Variants in FHIT observed in about 807,000 individuals in gnomAD.
The protein encoded by FHIT is bis(5'-adenosyl)-triphosphatase.
In FHIT, 19 loss-of-function variants were observed where a neutral mutation model predicts 17.9. That is an observed-to-expected ratio of 1.06 (90% CI 0.74 to 1.56). The LOEUF (loss-of-function observed/expected upper bound fraction) is 1.56, where lower values mean the gene tolerates loss of function less well. Among genes scored for constraint, FHIT ranks in the 40% most tolerant of loss-of-function variants. The probability of loss-of-function intolerance (pLI) is 0.00; values close to 1 mark genes in which losing one functional copy is unlikely to be tolerated. For missense variants in FHIT, 248 were observed against 189.2 expected (o/e 1.31, Z -1.82); for synonymous variants, 81 against 69.7 (o/e 1.16, Z -0.81).
intron 7 of FHIT, among the ~76,000 whole-genome samples, chr3:59,974,364 C>T (rs1214845825): frequency 6.6e-6 from 1 of 152,156 alleles, no homozygotes; most frequent in Non-Finnish European, 1.5e-5. Context: ...TTAAACACTG[C>T]TTCTAAATGT....
At chr3:61,067,041 T>C (rs1194152217) in intron 2 of FHIT, among the ~76,000 whole-genome samples, 1 of 152,190 alleles carries the variant, frequency 6.6e-6, no homozygotes, top group Non-Finnish European at 1.5e-5. Context: ...CTTTTGGTTT[T>C]GAGTAAGGCC....
At chr3:60,544,351 CCTTT>C (rs1553646025) in intron 4 of FHIT, among the ~76,000 whole-genome samples, 16 of 151,656 alleles carry the variant, frequency 1.1e-4, no homozygotes, top group Non-Finnish European at 2.2e-4. Flanking sequence ...AGGGTTGATA[CCTTT>C]TTTTAAAAAA....
At chr3:60,722,466 A>G (rs1173644176) in intron 4 of FHIT, among the ~76,000 whole-genome samples, 1 of 152,178 alleles carries the variant, frequency 6.6e-6, no homozygotes, top group African/African-American at 2.4e-5. Flanking sequence ...AAGCTGCACT[A>G]TAAATATTCT....
chr3:60,462,480 G>A (rs1267596111), intron 5 of FHIT, among the ~76,000 whole-genome samples: 2 of 152,120 alleles, frequency 1.3e-5, no homozygotes, highest in Non-Finnish European at 1.5e-5. Flanking sequence ...AAAGGCATGG[G>A]GTGTGAAAAG....
At chr3:61,097,458 T>A (rs1426754218) in intron 2 of FHIT, among the ~76,000 whole-genome samples, 1 of 152,230 alleles carries the variant, frequency 6.6e-6, no homozygotes, top group Admixed American at 6.5e-5. Flanking sequence ...TTTGGGTATA[T>A]AAATACCCAG....
chr3:60,287,358 G>T (rs937836115), intron 5 of FHIT, among the ~76,000 whole-genome samples: 2 of 151,894 alleles, frequency 1.3e-5, no homozygotes, highest in African/African-American at 4.8e-5. Context: ...TAGTAGAGAC[G>T]GGCTTTCACC....
chr3:60,666,864 C>CTTTTT (rs71092626), intron 4 of FHIT, among the ~76,000 whole-genome samples: 1 of 122,190 alleles, frequency 8.2e-6, no homozygotes, highest in African/African-American at 3.4e-5. Flanking sequence ...CTTTTCTTTT[C>CTTTTT]TTTTTTTTTT....
chr3:60,133,750 T>TA (rs1699695494), intron 5 of FHIT, among the ~76,000 whole-genome samples: 3 of 151,574 alleles, frequency 2.0e-5, no homozygotes, highest in African/African-American at 7.3e-5. Flanking sequence ...TTTTTTTTTT[T>TA]AATCCTAAAA....
intron 2 of FHIT, among the ~76,000 whole-genome samples, chr3:61,173,063 C>G (rs531421382): frequency 6.6e-6 from 1 of 152,106 alleles, no homozygotes; most frequent in Non-Finnish European, 1.5e-5. Flanking sequence ...GCCATGTCTT[C>G]CCAGGGATGT....
intron 5 of FHIT, among the ~76,000 whole-genome samples, chr3:60,411,503 C>A (rs1398757746): frequency 1.3e-5 from 2 of 152,152 alleles, no homozygotes; most frequent in Non-Finnish European, 2.9e-5. Flanking sequence ...AGGGTTCATA[C>A]AGCCACAGCT....
chr3:60,565,663 T>A (rs1365907727), intron 4 of FHIT, among the ~76,000 whole-genome samples: 3 of 152,210 alleles, frequency 2.0e-5, no homozygotes, highest in African/African-American at 7.2e-5. Flanking sequence ...AAGTTTGTGA[T>A]TGGCAATAAG....
At position 61,154,098 on chromosome 3, in the gene FHIT, G is replaced by A. The variant is rs575324869; in HGVS notation, c.-164+46519C>T. On this transcript the variant is annotated intron_variant, in intron 2 of 9. Transcript: ENST00000492590. ...CCATTGTCTTAAAAAACCCCAAATC[G>A]CTGGCATTTTAAAAATTAAATACAG... Among the ~76,000 whole-genome samples, 12 of 152,072 alleles carry A rather than the reference G, an allele frequency of 7.9e-5. No individual in the cohort carries two copies. In the South Asian group the frequency reaches 1.7e-3, roughly 21 times the overall value.
intron 8 of FHIT, among the ~76,000 whole-genome samples, chr3:59,860,358 T>C (rs113053716): frequency 2.0e-5 from 3 of 152,256 alleles, no homozygotes; most frequent in African/African-American, 7.2e-5. Context: ...TGACCAGGTA[T>C]GCAAGGAGAA....
intron 8 of FHIT, among the ~76,000 whole-genome samples, chr3:59,815,685 A>G (rs1260677991): frequency 6.6e-6 from 1 of 152,172 alleles, no homozygotes; most frequent in African/African-American, 2.4e-5. Context: ...GAGCTAAGCT[A>G]TGAAGACACA....
intron 7 of FHIT, among the ~76,000 whole-genome samples, chr3:59,944,454 C>T (rs955914536): frequency 3.3e-5 from 5 of 152,276 alleles, no homozygotes; most frequent in African/African-American, 1.2e-4. Context: ...CACCTCCACA[C>T]TTTCGTTTAT....
At chr3:60,514,965 A>C (rs1240134041) in intron 5 of FHIT, among the ~76,000 whole-genome samples, 1 of 151,752 alleles carries the variant, frequency 6.6e-6, no homozygotes, top group Non-Finnish European at 1.5e-5. Flanking sequence ...TCACAAGAGC[A>C]TGTGAGCAGA....
At chr3:59,843,500 G>A (rs193253906) in intron 8 of FHIT, among the ~76,000 whole-genome samples, 212 of 152,184 alleles carry the variant, frequency 1.4e-3, no homozygotes, top group Middle Eastern at 0.01. Context: ...TCTATAGATC[G>A]CTTTGTATAG....
chr3:60,737,523 A>C (rs767408309), intron 4 of FHIT, among the ~76,000 whole-genome samples: 5 of 152,270 alleles, frequency 3.3e-5, no homozygotes, highest in Non-Finnish European at 7.3e-5. Flanking sequence ...TGTTGCTAAT[A>C]GCATTGTGTT....
chr3:60,516,111 T>A (rs906554981), intron 5 of FHIT, among the ~76,000 whole-genome samples: 5 of 152,192 alleles, frequency 3.3e-5, no homozygotes, highest in Non-Finnish European at 5.9e-5. Flanking sequence ...AACCTGTTGG[T>A]CTCTGTACCT....
Sources: gnomAD v4.1 joint callset for allele counts (sites outside exome capture counted in the v4.1 genomes callset) on GRCh38, gnomAD v4.1.1 for gene constraint, MANE v1.5 for transcripts, NCBI Gene and HGNC (gene_info 2026-07-23, HGNC 2026-07-21) for gene names.